SYTL5: variants seen among roughly 807,000 people sequenced by gnomAD.
The protein encoded by SYTL5 is synaptotagmin like 5, also known as synaptotagmin-like protein 5.
Under a neutral mutation model 55.9 loss-of-function variants are expected in SYTL5, and 34 were observed. The ratio of observed to expected loss-of-function variants is 0.61; its 90% CI spans 0.46 to 0.81. The LOEUF (loss-of-function observed/expected upper bound fraction) is 0.81. Among genes scored for constraint, SYTL5 ranks in the 30% least tolerant of loss-of-function variants. The pLI is 0.00. For missense variants in SYTL5, 637 were observed against 546.7 expected (o/e 1.17, Z -1.65); for synonymous variants, 221 against 188.7 (o/e 1.17, Z -1.40).
At chrX:37,960,598 G>A in the SYTL5 span, among the ~76,000 whole-genome samples, 3 of 109,864 alleles carry the variant, frequency 2.7e-5, no homozygotes, top group Non-Finnish European at 5.7e-5. Context: ...GGCTTTTACT[G>A]TCCGTATTTT....
chrX:38,050,191 C>T (rs1479735751), intron 2 of SYTL5, among the ~76,000 whole-genome samples: 1 of 112,130 alleles, frequency 8.9e-6, no homozygotes, highest in African/African-American at 3.2e-5. Flanking sequence ...TCTAAAATTC[C>T]TATCTTATTT....
chrX:37,968,164 T>A, the SYTL5 span, among the ~76,000 whole-genome samples: 1 of 110,792 alleles, frequency 9.0e-6, no homozygotes, highest in Non-Finnish European at 1.9e-5. Flanking sequence ...CTGTTCCTTG[T>A]TCTGGAATAT....
At chrX:37,967,435 A>T in the SYTL5 span, among the ~76,000 whole-genome samples, 895 of 111,576 alleles carry the variant, frequency 8.0e-3, 11 homozygotes, top group African/African-American at 0.028. Flanking sequence ...CTCTAATTGA[A>T]TTTCCCTTAT....
chrX:38,106,748 T>C lies in SYTL5; in HGVS notation c.1311T>C (p.Asp437=). The C allele has an allele frequency of 1.7e-6, 2 of 1,202,713 alleles. No individual in the cohort carries two copies. Among genetic ancestry groups the C allele is most frequent in the Non-Finnish European group, 2.2e-6 (2 of 891,990 alleles). Residue 437 remains aspartate (D), a synonymous_variant, in exon 11 of 17, where the codon GAT becomes GAC. Transcript: ENST00000297875. ...VKNCRNLAIG[D]EKKQRTDAYV... is the part of the protein sequence containing the mutation. ...ATTGCAGAAATCTGGCCATAGGAGA[T>C]GAAAAGAAACAGAGGACAGATGCGT...
chrX:37,989,952 A>C, the SYTL5 span, among the ~76,000 whole-genome samples: 1 of 110,846 alleles, frequency 9.0e-6, no homozygotes, highest in African/African-American at 3.3e-5. Context: ...GGCTCACTGC[A>C]AACTCCACTT....
chrX:37,999,162 G>T, the SYTL5 span, among the ~76,000 whole-genome samples: 7 of 112,157 alleles, frequency 6.2e-5, no homozygotes, highest in Admixed American at 6.6e-4. Flanking sequence ...AAAGGATCCT[G>T]AATGGTGGTA....
intron 14 of SYTL5, 48 bp from the exon 15 acceptor site, chrX:38,122,030 ATT>A: frequency 9.5e-7 from 1 of 1,054,741 alleles, no homozygotes; most frequent in Non-Finnish European, 1.3e-6. Flanking sequence ...TGATTTATCT[ATT>A]TTTTTTTCTC....
At chrX:37,999,376 A>G in the SYTL5 span, among the ~76,000 whole-genome samples, 1 of 112,790 alleles carries the variant, frequency 8.9e-6, no homozygotes, top group Non-Finnish European at 1.9e-5. Flanking sequence ...AAAGGACTTT[A>G]TGAGAGTAGA....
At chrX:38,097,513 A>G (rs1421060735) in intron 9 of SYTL5, among the ~76,000 whole-genome samples, 1 of 111,084 alleles carries the variant, frequency 9.0e-6, no homozygotes, top group East Asian at 2.8e-4. Context: ...TTAAAAGTGT[A>G]ATACATGTGC....
chrX:38,004,656 G>A (rs1249344206), upstream of SYTL5, among the ~76,000 whole-genome samples: 3 of 111,299 alleles, frequency 2.7e-5, no homozygotes, highest in African/African-American at 6.5e-5. Flanking sequence ...ATTATGTTAA[G>A]TCAAATAAGC....
At chrX:37,901,407 G>A in the SYTL5 span, among the ~76,000 whole-genome samples, 1 of 112,095 alleles carries the variant, frequency 8.9e-6, no homozygotes, top group Non-Finnish European at 1.9e-5. Context: ...GCCTGCAGCT[G>A]GGCCTGAGGC....
chrX:38,057,699 T>G (rs1935832006), intron 3 of SYTL5, among the ~76,000 whole-genome samples: 1 of 111,866 alleles, frequency 8.9e-6, no homozygotes, highest in South Asian at 3.7e-4. Flanking sequence ...TTATCTCACA[T>G]AAATAAATTT....
Position 38,106,496 on chromosome X carries a change from A to G in SYTL5, c.1156-97A>G. 10 of 797,115 alleles carry G rather than the reference A, an allele frequency of 1.3e-5. No individual in the cohort carries two copies. In the South Asian group the frequency reaches 1.6e-4, roughly 13 times the overall value. 65.7% of individuals were successfully genotyped at this position (797,115 alleles called of 1,213,427 possible). A position where few individuals can be genotyped will look rare whatever the true frequency, so the allele number is the denominator to read the frequency against. On this transcript the variant is annotated intron_variant, in intron 10 of 16. Coordinates refer to ENST00000297875, the MANE Select transcript of SYTL5 (RefSeq NM_138780.3). ...CTCACCCTAGACTTCCATGCTCATT[A>G]TAAAGAACAGGAACTATAATTGAAT... is the stretch of plus-strand genomic sequence containing the variant.
the SYTL5 span, among the ~76,000 whole-genome samples, chrX:37,912,685 A>G: frequency 8.9e-6 from 1 of 112,175 alleles, no homozygotes; most frequent in Non-Finnish European, 1.9e-5. Flanking sequence ...CATACCAGCC[A>G]CTGTGCAATT....
chrX:38,021,181 G>A lies in SYTL5; in HGVS notation c.-356-12353G>A, dbSNP rs983200826. 2.0e-4 allele frequency among the ~76,000 whole-genome samples: 22 copies of A among 111,730 alleles called. 1 individual carries two copies. The highest frequency in any genetic ancestry group is 3.8e-4 in the Non-Finnish European group (20 of 53,151). On this transcript the variant is annotated intron_variant, in intron 1 of 16. Coordinates refer to ENST00000297875, the MANE Select transcript of SYTL5 (RefSeq NM_138780.3). ...TATATGTATATTTTTGAGGTAGAGA[G>A]CCTATAGTTGTCACTGATTATCTAA...
At chrX:38,002,191 C>G (rs1569151973), upstream of SYTL5, among the ~76,000 whole-genome samples, 1 of 111,678 alleles carries the variant, frequency 9.0e-6, no homozygotes, top group Admixed American at 9.5e-5. Context: ...CAAAGGACAT[C>G]AACTCATTGG....
At chrX:38,047,480 G>T (rs373991203) in intron 2 of SYTL5, among the ~76,000 whole-genome samples, 4 of 112,847 alleles carry the variant, frequency 3.5e-5, no homozygotes, top group East Asian at 5.6e-4. Flanking sequence ...GAGATGCAGG[G>T]CACCAAGTCC....
intron 3 of SYTL5, among the ~76,000 whole-genome samples, chrX:38,064,385 T>C (rs1001579391): frequency 2.7e-5 from 3 of 111,802 alleles, no homozygotes; most frequent in African/African-American, 9.7e-5. Context: ...AACCGATAGA[T>C]ATAAAGGAAT....
chrX:38,061,799 A>G (rs1602356348), intron 3 of SYTL5, among the ~76,000 whole-genome samples: 1 of 111,097 alleles, frequency 9.0e-6, no homozygotes, highest in Middle Eastern at 4.6e-3. Context: ...TCATTTTTCT[A>G]TCTTAATAAT....
Sources: gnomAD v4.1 joint callset for allele counts (sites outside exome capture counted in the v4.1 genomes callset) on GRCh38, gnomAD v4.1.1 for gene constraint, MANE v1.5 for transcripts, NCBI Gene and HGNC (gene_info 2026-07-23, HGNC 2026-07-21) for gene names.